Variants in ESRRB observed in about 807,000 individuals in gnomAD.
The protein encoded by ESRRB is estrogen related receptor beta, also known as steroid hormone receptor ERR2.
Under a neutral mutation model 46.0 loss-of-function variants are expected in ESRRB, and 16 were observed. That is an observed-to-expected ratio of 0.35 (90% CI 0.24 to 0.53). The LOEUF is 0.53. ESRRB is among the 20% of genes least tolerant of loss of function. The pLI is 0.93. For synonymous variants in ESRRB, 246 were observed against 259.6 expected (o/e 0.95, Z 0.50); for missense variants, 488 against 607.4 (o/e 0.80, Z 2.07).
chr14:76,487,516 T>C (rs1890065711), intron 5 of ESRRB, among the ~76,000 whole-genome samples: 1 of 152,126 alleles, frequency 6.6e-6, no homozygotes, highest in African/African-American at 2.4e-5. Context: ...TTTTTTTTTT[T>C]CTATTTTGAA....
chr14:76,375,206 G>C (rs1884722498), upstream of ESRRB, among the ~76,000 whole-genome samples: 1 of 151,604 alleles, frequency 6.6e-6, no homozygotes, highest in African/African-American at 2.4e-5. Context: ...TATCCCTGTG[G>C]CTGGTGCATC....
intron 1 of ESRRB, among the ~76,000 whole-genome samples, chr14:76,343,728 A>C (rs1884217895): frequency 6.6e-6 from 1 of 152,228 alleles, no homozygotes; most frequent in Non-Finnish European, 1.5e-5. Context: ...GCTTCTTCTG[A>C]CCTAGCCTTG....
intron 1 of ESRRB, among the ~76,000 whole-genome samples, chr14:76,312,835 G>A (rs1015967532): frequency 2.0e-5 from 3 of 152,066 alleles, no homozygotes; most frequent in Non-Finnish European, 2.9e-5. Context: ...GAACTTCTAG[G>A]ACTTTCAGAT....
At chr14:76,368,126 C>CTTTTTTTTTTT (rs751709764), upstream of ESRRB, among the ~76,000 whole-genome samples, 1 of 124,228 alleles carries the variant, frequency 8.0e-6, no homozygotes, top group African/African-American at 3.1e-5. Context: ...CTAATTTTTC[C>CTTTTTTTTTTT]TTTTTTTTTT....
At chr14:76,358,397 A>AGAGAGAG (rs1566859707) in intron 1 of ESRRB, among the ~76,000 whole-genome samples, 6 of 126,970 alleles carry the variant, frequency 4.7e-5, no homozygotes, top group African/African-American at 1.9e-4. Context: ...GAAAGAAAGA[A>AGAGAGAG]AGAAAGAAAG....
At chr14:76,426,859 T>C (rs967716958) in intron 1 of ESRRB, among the ~76,000 whole-genome samples, 3 of 152,134 alleles carry the variant, frequency 2.0e-5, no homozygotes, top group African/African-American at 7.2e-5. Flanking sequence ...GGGGAGACCA[T>C]GTCGCTACAA....
In ESRRB at chr14:76,482,139, G is replaced by A. The variant is rs764824044; in HGVS notation, c.688+13G>A. ...GCTAAAAAGCCATGTGAGTGTCAGG[G>A]CAGTCCCTGCCCCTTTTGCCAGCAT... On this transcript the variant is annotated intron_variant, in intron 4 of 6. Coordinates refer to ENST00000644823, the MANE Select transcript of ESRRB (RefSeq NM_001379180.1). This position sits in a 1 kb window ranked among gnomAD's most constrained non-coding sequence, Gnocchi z 4.3. 114 of 1,594,414 alleles carry A rather than the reference G, an allele frequency of 7.1e-5. 1 individual carries two copies. In the Admixed American group the frequency reaches 1.8e-3, roughly 24 times the overall value.
At chr14:76,441,134 C>T (rs1286872506) in intron 2 of ESRRB, among the ~76,000 whole-genome samples, 1 of 152,128 alleles carries the variant, frequency 6.6e-6, no homozygotes, top group Non-Finnish European at 1.5e-5. Flanking sequence ...CACACTGCAG[C>T]CTTGAACTCC....
intron 2 of ESRRB, among the ~76,000 whole-genome samples, chr14:76,441,527 G>A (rs983865558): frequency 1.3e-5 from 2 of 152,140 alleles, no homozygotes; most frequent in Non-Finnish European, 2.9e-5. Flanking sequence ...GCCCAGGCTG[G>A]TCTCGAACAC....
chr14:76,383,186 ATCTT>A (rs1313412990), intron 1 of ESRRB, among the ~76,000 whole-genome samples: 1 of 152,246 alleles, frequency 6.6e-6, no homozygotes, highest in East Asian at 1.9e-4. Flanking sequence ...ATTGAATTCA[ATCTT>A]TTCTATCAAG....
chr14:76,400,006 C>A (rs939060039), intron 1 of ESRRB, among the ~76,000 whole-genome samples: 3 of 152,224 alleles, frequency 2.0e-5, no homozygotes, highest in East Asian at 1.9e-4. Flanking sequence ...GATGCCTATA[C>A]CTTTCTCATC....
Position 76,499,546 on chromosome 14 carries a change from C to T in ESRRB, c.*1088C>T. The T allele has an allele frequency of 2.2e-6, 1 of 452,252 alleles. No individual in the cohort carries two copies. Among genetic ancestry groups the T allele is most frequent in the Non-Finnish European group, 4.1e-6 (1 of 243,736 alleles). The allele number at this position is 452,252 out of a possible 1,614,324, so 28.0% of individuals were successfully genotyped here. On this transcript the variant is annotated 3_prime_UTR_variant, in exon 7 of 7. Transcript: ENST00000644823. ...CCTCATCCTTCCTGGCTTCCCTTCCCTGCACTCAGCATCATGCCACAGGGC... is the reference window on the plus strand; with the variant it reads ...CCTCATCCTTCCTGGCTTCCCTTCCTTGCACTCAGCATCATGCCACAGGGC...
intron 3 of ESRRB, chr14:76,463,226 T>TG: frequency 5.6e-6 from 1 of 179,602 alleles, no homozygotes; most frequent in Non-Finnish European, 1.2e-5. Flanking sequence ...TGCTGTCTAA[T>TG]ATGGCAACCA....
In ESRRB at chr14:76,318,744, C is replaced by T. The variant is rs541606934; in HGVS notation, c.2+7828C>T. On this transcript the variant is annotated intron_variant, in intron 1 of 6. Coordinates refer to the ESRRB transcript ENST00000512784. ...CCACTGCTGTGGGTGAGGATGATGA[C>T]ATTTTGGCTGTTATCATCATTTTGC... Among the ~76,000 whole-genome samples, 18 of 152,312 alleles carry T rather than the reference C, an allele frequency of 1.2e-4. No individual in the cohort carries two copies. The South Asian group carries it at 3.7e-3, about 32-fold the overall frequency.
intron 1 of ESRRB, among the ~76,000 whole-genome samples, chr14:76,347,090 G>C (rs1566857275): frequency 6.6e-6 from 1 of 152,106 alleles, no homozygotes; most frequent in Non-Finnish European, 1.5e-5. Context: ...CCTTACCCTG[G>C]CCTCTTGGAA....
chr14:76,447,297 C>A (rs1220597106), intron 2 of ESRRB, among the ~76,000 whole-genome samples: 1 of 133,218 alleles, frequency 7.5e-6, no homozygotes, highest in Admixed American at 7.4e-5. Flanking sequence ...TTCCTTCCTT[C>A]CTTCTTTCCA....
At chr14:76,379,148 C>G (rs543539637) in intron 1 of ESRRB, among the ~76,000 whole-genome samples, 1 of 152,182 alleles carries the variant, frequency 6.6e-6, no homozygotes, top group Admixed American at 6.5e-5. Context: ...TACCTTCCTA[C>G]CTTGCTCTCC....
chr14:76,333,539 G>A (rs1358917496), intron 1 of ESRRB, among the ~76,000 whole-genome samples: 3 of 142,232 alleles, frequency 2.1e-5, no homozygotes, highest in Non-Finnish European at 3.0e-5. Flanking sequence ...TGTTGCCCAG[G>A]CTGGTCTCAA....
Position 76,348,210 on chromosome 14 carries a change from A to G in ESRRB, c.2+37294A>G, listed in dbSNP as rs185116245. On this transcript the variant is annotated intron_variant, in intron 1 of 6. Transcript: ENST00000512784. ...TTAAAATGCAAATTCCTTCACTTCAATTTAAAGAGAGATGTCAGATGTCCA... is the reference window on the plus strand; with the variant it reads ...TTAAAATGCAAATTCCTTCACTTCAGTTTAAAGAGAGATGTCAGATGTCCA... 1.1e-3 allele frequency among the ~76,000 whole-genome samples: 169 copies of G among 152,262 alleles called. 1 individual carries two copies. Among genetic ancestry groups the G allele is most frequent in the Admixed American group, 2.0e-3 (30 of 15,302 alleles).
Sources: gnomAD v4.1 joint callset for allele counts (sites outside exome capture counted in the v4.1 genomes callset) on GRCh38, gnomAD v4.1.1 for gene constraint, Gnocchi (gnomAD v3.1) non-coding constraint, MANE v1.5 for transcripts, NCBI Gene and HGNC (gene_info 2026-07-23, HGNC 2026-07-21) for gene names.